Variants in SH3GL2 observed in about 807,000 individuals in gnomAD.
SH3GL2 encodes SH3 domain containing GRB2 like 2, endophilin A1, also known as endophilin-A1.
Under a neutral mutation model 46.0 loss-of-function variants are expected in SH3GL2, and 24 were observed. That is an observed-to-expected ratio of 0.52 (90% CI 0.38 to 0.73). SH3GL2 has a LOEUF of 0.73. Among genes scored for constraint, SH3GL2 ranks in the 30% least tolerant of loss-of-function variants. The probability of loss-of-function intolerance (pLI) is 0.00; values close to 1 mark genes in which losing one functional copy is unlikely to be tolerated. For synonymous variants in SH3GL2, 196 were observed against 147.1 expected, an observed-to-expected ratio of 1.33 and a Z score of -2.40; for missense variants, 413 against 424.2, an observed-to-expected ratio of 0.97 and a Z score of 0.23.
At chr9:17,779,422 ATC>A (rs1437295382) in intron 3 of SH3GL2, among the ~76,000 whole-genome samples, 2 of 152,056 alleles carry the variant, frequency 1.3e-5, no homozygotes, top group African/African-American at 2.4e-5. Context: ...CCTGAATCCA[ATC>A]TTTTCCTGTT....
At chr9:17,585,390 C>T (rs975623321) in intron 1 of SH3GL2, among the ~76,000 whole-genome samples, 1 of 152,070 alleles carries the variant, frequency 6.6e-6, no homozygotes. Context: ...TTTTGGCCTC[C>T]TTTTTTCTCT....
chr9:17,693,098 T>A (rs1040962014), intron 1 of SH3GL2, among the ~76,000 whole-genome samples: 4 of 152,190 alleles, frequency 2.6e-5, no homozygotes, highest in African/African-American at 9.6e-5. Flanking sequence ...TTTGGTTTTT[T>A]AGCCATGCCA....
intron 1 of SH3GL2, among the ~76,000 whole-genome samples, chr9:17,594,319 C>T (rs1475617172): frequency 6.6e-6 from 1 of 152,232 alleles, no homozygotes; most frequent in East Asian, 1.9e-4. Context: ...TCTTCCCTCT[C>T]TGTGGAAATT....
Position 17,593,076 on chromosome 9 carries a change from T to C in SH3GL2, c.45+13789T>C, listed in dbSNP as rs552410048. ...ATGTGCCTGGAGAGGGTATGGAAGC[T>C]CCAGGCTGCTTCTCCCATACCTCGA... On this transcript the variant is annotated intron_variant, in intron 1 of 8. Transcript: ENST00000380607. Among the ~76,000 whole-genome samples the C allele has an allele frequency of 5.8e-4, 89 of 152,312 alleles. 1 individual carries two copies. Among genetic ancestry groups the C allele is most frequent in the African/African-American group, 2.1e-3 (89 of 41,568 alleles).
At chr9:17,587,968 C>A (rs1312650951) in intron 1 of SH3GL2, among the ~76,000 whole-genome samples, 2 of 151,658 alleles carry the variant, frequency 1.3e-5, no homozygotes, top group Non-Finnish European at 2.9e-5. Context: ...GTTTCATTTG[C>A]CAATTTCTAT....
chr9:17,592,618 C>G (rs890493662), intron 1 of SH3GL2, among the ~76,000 whole-genome samples: 1 of 152,144 alleles, frequency 6.6e-6, no homozygotes, highest in Non-Finnish European at 1.5e-5. Flanking sequence ...CTGAGATTTC[C>G]TCCTTCACTA....
intron 1 of SH3GL2, among the ~76,000 whole-genome samples, chr9:17,696,044 A>G (rs577130747): frequency 6.6e-6 from 1 of 152,216 alleles, no homozygotes; most frequent in African/African-American, 2.4e-5. Flanking sequence ...AAGCTGATAC[A>G]AATCACAACT....
At chr9:17,602,794 A>G (rs1375042131) in intron 1 of SH3GL2, among the ~76,000 whole-genome samples, 4 of 152,272 alleles carry the variant, frequency 2.6e-5, no homozygotes, top group African/African-American at 9.6e-5. Context: ...GACTTCTATC[A>G]CTGAAACATT....
chr9:17,632,759 T>A (rs1233122248), intron 1 of SH3GL2, among the ~76,000 whole-genome samples: 17 of 152,184 alleles, frequency 1.1e-4, no homozygotes, highest in Admixed American at 1.1e-3. Context: ...GCTTTAGGGA[T>A]GTTCTTAACA....
Position 17,627,144 on chromosome 9 carries a change from C to G in SH3GL2, c.45+47857C>G, listed in dbSNP as rs73645104. ...GGTAAAAACTGCCAGATTCCAAAGC[C>G]AGAGTTTTTTCAATACACTCAAGGA... is the stretch of plus-strand genomic sequence containing the variant. On this transcript the variant is annotated intron_variant, in intron 1 of 8. Transcript: ENST00000380607. 4.9e-3 allele frequency among the ~76,000 whole-genome samples: 744 copies of G among 152,190 alleles called. 8 individuals are homozygous for G. Among genetic ancestry groups the G allele is most frequent in the African/African-American group, 0.017 (703 of 41,512 alleles).
At chr9:17,611,904 C>G (rs1818875424) in intron 1 of SH3GL2, among the ~76,000 whole-genome samples, 1 of 152,200 alleles carries the variant, frequency 6.6e-6, no homozygotes, top group East Asian at 1.9e-4. Context: ...TCTCAACACT[C>G]TTTCCCACCA....
chr9:17,772,288 C>T (rs948369032), intron 3 of SH3GL2, among the ~76,000 whole-genome samples: 13 of 152,162 alleles, frequency 8.5e-5, no homozygotes, highest in African/African-American at 2.7e-4. Flanking sequence ...TATTAGACTT[C>T]ACAAATTTAG....
rs1819736804 is a variant in SH3GL2, at chr9:17,643,591, T to C, written c.45+64304T>C. ...GAGTGTTTTAGTCATTGGTTCTGTT[T>C]ATGTGTTTTTTGTCATTGGTTCTGT... On this transcript the variant is annotated intron_variant, in intron 1 of 8. Transcript: ENST00000380607. Among the ~76,000 whole-genome samples the C allele has an allele frequency of 2.0e-5, 3 of 149,968 alleles. No homozygotes were observed. The South Asian group carries it at 6.3e-4, about 31-fold the overall frequency.
chr9:17,761,054 A>T (rs1823154969), intron 2 of SH3GL2, among the ~76,000 whole-genome samples: 1 of 152,344 alleles, frequency 6.6e-6, no homozygotes, highest in Admixed American at 6.5e-5. Context: ...AGCAGAGTTG[A>T]TGCTGCATGA....
intron 2 of SH3GL2, among the ~76,000 whole-genome samples, chr9:17,753,187 A>G (rs180821617): frequency 2.4e-4 from 37 of 152,278 alleles, no homozygotes; most frequent in Admixed American, 2.2e-3. Context: ...ATGTGTCTTT[A>G]TAATAGAACA....
chr9:17,609,612 A>G (rs919426816), intron 1 of SH3GL2, among the ~76,000 whole-genome samples: 7 of 152,208 alleles, frequency 4.6e-5, no homozygotes, highest in African/African-American at 1.7e-4. Flanking sequence ...TCTGGGTCAT[A>G]AAAATTGATC....
intron 1 of SH3GL2, among the ~76,000 whole-genome samples, chr9:17,600,420 C>T: frequency 6.6e-6 from 1 of 152,206 alleles, no homozygotes; most frequent in Middle Eastern, 3.2e-3. Flanking sequence ...ACAAGCCTTT[C>T]TCAGGGAGAC....
intron 1 of SH3GL2, among the ~76,000 whole-genome samples, chr9:17,605,675 A>G (rs575774779): frequency 1.5e-4 from 23 of 152,240 alleles, no homozygotes; most frequent in African/African-American, 2.6e-4. Flanking sequence ...ATGTGTTTGT[A>G]TGTTTGTGTT....
intron 1 of SH3GL2, among the ~76,000 whole-genome samples, chr9:17,743,582 A>G (rs1231149605): frequency 6.6e-6 from 1 of 151,310 alleles, no homozygotes. Flanking sequence ...ACACACACAC[A>G]CACACACACA....
Sources: gnomAD v4.1 joint callset for allele counts (sites outside exome capture counted in the v4.1 genomes callset) on GRCh38, gnomAD v4.1.1 for gene constraint, MANE v1.5 for transcripts, NCBI Gene and HGNC (gene_info 2026-07-23, HGNC 2026-07-21) for gene names.